Variants in SUGCT observed in about 807,000 individuals in gnomAD.
SUGCT encodes the protein succinyl-CoA:glutarate-CoA transferase, also known as succinyl-CoA:glutarate CoA-transferase.
SUGCT carries 41 observed loss-of-function variants against 55.0 expected under a neutral mutation model. That is an observed-to-expected ratio of 0.74 (90% CI 0.58 to 0.97). The LOEUF is 0.97. Ranked by LOEUF, SUGCT falls within the 50% of genes least tolerant of loss-of-function variation. The pLI, the probability that SUGCT is intolerant of heterozygous loss-of-function variation, is 0.00. For synonymous variants in SUGCT, 187 were observed against 200.4 expected (o/e 0.93, Z 0.56); for missense variants, 568 against 547.8 (o/e 1.04, Z -0.37).
intron 12 of SUGCT, among the ~76,000 whole-genome samples, chr7:40,675,629 T>C (rs1254972047): frequency 6.6e-6 from 1 of 151,526 alleles, no homozygotes; most frequent in Admixed American, 6.6e-5. Context: ...ATGAAGGAGG[T>C]ATGGGAGTTG....
intron 9 of SUGCT, among the ~76,000 whole-genome samples, chr7:40,378,979 G>A (rs938581652): frequency 1.3e-5 from 2 of 152,170 alleles, no homozygotes; most frequent in African/African-American, 4.8e-5. Context: ...AGGATCTTGA[G>A]GGGTGGAAGT....
At chr7:40,181,165 G>A (rs1245014005) in intron 2 of SUGCT, among the ~76,000 whole-genome samples, 167 bp downstream of exon 2, 1 of 152,046 alleles carries the variant, frequency 6.6e-6, no homozygotes, top group Admixed American at 6.6e-5. Flanking sequence ...GAGACAATTA[G>A]TGTAGTATTT....
chr7:40,165,994 C>T (rs907285198), intron 1 of SUGCT, among the ~76,000 whole-genome samples: 2 of 152,138 alleles, frequency 1.3e-5, no homozygotes, highest in Non-Finnish European at 2.9e-5. Flanking sequence ...TGGTGGCACA[C>T]GCCTGTAATC....
rs1366641064 is a variant in SUGCT at position 40,274,415 on chromosome 7, C to T, written c.577-98C>T. 6 of 1,297,452 alleles carry T rather than the reference C, an allele frequency of 4.6e-6. No homozygotes were observed. The African/African-American group carries it at 8.9e-5, about 19-fold the overall frequency. The allele number at this position is 1,297,452 out of a possible 1,614,324, so 80.4% of individuals were successfully genotyped here. A position where few individuals can be genotyped will look rare whatever the true frequency, so the allele number is the denominator to read the frequency against. ...TGTATGTGTCTGCACAGTTAATAGACAATTCTTTTTTCTATTTCACATTAG... is the reference window on the plus strand; with the variant it reads ...TGTATGTGTCTGCACAGTTAATAGATAATTCTTTTTTCTATTTCACATTAG... On this transcript the variant is annotated intron_variant, in intron 7 of 13. Transcript: ENST00000335693.
rs1050970111 is a variant in SUGCT at position 40,576,643 on chromosome 7, G to A, written c.1089+80257G>A. ...AACCCGACCAGAGGCAAGAGTTGCC[G>A]GGATTGTCTTTGATTTGTATAGGCA... On this transcript the variant is annotated intron_variant, in intron 12 of 13. Coordinates refer to ENST00000335693, the MANE Select transcript of SUGCT (RefSeq NM_001193313.2). 7.2e-5 allele frequency among the ~76,000 whole-genome samples: 11 copies of A among 152,306 alleles called. No individual in the cohort carries two copies. In the South Asian group the frequency reaches 1.2e-3, roughly 17 times the overall value.
At chr7:40,195,423 A>G (rs867916824) in intron 6 of SUGCT, among the ~76,000 whole-genome samples, 24 of 151,894 alleles carry the variant, frequency 1.6e-4, no homozygotes, top group Non-Finnish European at 2.5e-4. Flanking sequence ...GGGTTTCACC[A>G]TGTTGGCCAG....
chr7:40,452,837 C>T (rs1280576554), intron 10 of SUGCT, among the ~76,000 whole-genome samples: 2 of 152,094 alleles, frequency 1.3e-5, no homozygotes, highest in African/African-American at 2.4e-5. Flanking sequence ...CCACTTACCC[C>T]GAGCACGGTG....
At chr7:40,730,460 G>A (rs1183203097) in intron 12 of SUGCT, among the ~76,000 whole-genome samples, 1 of 152,144 alleles carries the variant, frequency 6.6e-6, no homozygotes, top group African/African-American at 2.4e-5. Flanking sequence ...CACATATGCT[G>A]TGATATTTTG....
the SUGCT span, among the ~76,000 whole-genome samples, chr7:40,950,963 G>T: frequency 6.9e-6 from 1 of 144,370 alleles, no homozygotes; most frequent in Non-Finnish European, 1.5e-5. Context: ...TCAGGATGAT[G>T]CTGGCCTCAT....
chr7:40,511,886 T>A (rs1433123664), intron 12 of SUGCT, among the ~76,000 whole-genome samples: 2 of 152,190 alleles, frequency 1.3e-5, no homozygotes, highest in Non-Finnish European at 2.9e-5. Context: ...ATTATTAATA[T>A]TTCTTCATCA....
At chr7:41,024,198 C>T in the SUGCT span, among the ~76,000 whole-genome samples, 1 of 152,058 alleles carries the variant, frequency 6.6e-6, no homozygotes, top group East Asian at 1.9e-4. Flanking sequence ...AAATTACGTT[C>T]CAAAGGATTA....
chr7:40,911,162 C>T, the SUGCT span, among the ~76,000 whole-genome samples: 1 of 152,110 alleles, frequency 6.6e-6, no homozygotes, highest in Admixed American at 6.5e-5. Context: ...GATACTGCTT[C>T]GGGGGTGGGA....
the SUGCT span, among the ~76,000 whole-genome samples, chr7:40,972,276 A>C: frequency 2.0e-5 from 3 of 152,228 alleles, no homozygotes; most frequent in African/African-American, 7.2e-5. Flanking sequence ...GAAGACAGTT[A>C]ATGTCCTTGT....
At chr7:40,461,328 T>C (rs1251932185) in intron 11 of SUGCT, among the ~76,000 whole-genome samples, 2 of 152,182 alleles carry the variant, frequency 1.3e-5, no homozygotes, top group Non-Finnish European at 2.9e-5. Context: ...ATAAGTTACA[T>C]GATTAGACGT....
chr7:41,007,823 C>CAAAAAAAAAAAA, the SUGCT span, among the ~76,000 whole-genome samples: 2 of 104,284 alleles, frequency 1.9e-5, no homozygotes, highest in Non-Finnish European at 3.7e-5. Context: ...AACTGAAATC[C>CAAAAAAAAAAAA]AAAAAAAAAA....
the SUGCT span, among the ~76,000 whole-genome samples, chr7:40,916,166 GTGGGTGGTTGCTA>G: frequency 6.6e-6 from 1 of 152,190 alleles, no homozygotes; most frequent in Middle Eastern, 3.4e-3. Flanking sequence ...ATTAACCGCA[GTGGGTGGTTGCTA>G]TTTGTTTCTC....
chr7:40,168,152 G>A (rs578014166), intron 1 of SUGCT, among the ~76,000 whole-genome samples: 2 of 152,324 alleles, frequency 1.3e-5, no homozygotes, highest in South Asian at 4.1e-4. Flanking sequence ...TTAAAGGTGG[G>A]TGTGGTCACC....
chr7:40,647,680 G>C (rs1006465971), intron 12 of SUGCT, among the ~76,000 whole-genome samples: 4 of 152,032 alleles, frequency 2.6e-5, no homozygotes, highest in Non-Finnish European at 5.9e-5. Flanking sequence ...GTGAAACCCT[G>C]TCTCTATTTA....
chr7:40,881,696 G>T, the SUGCT span, among the ~76,000 whole-genome samples: 1 of 152,214 alleles, frequency 6.6e-6, no homozygotes, highest in Non-Finnish European at 1.5e-5. Flanking sequence ...AGGCACAGTG[G>T]CATCCTTCAC....
Sources: allele counts gnomAD v4.1 joint callset (sites outside exome capture counted in the v4.1 genomes callset), GRCh38; gene constraint gnomAD v4.1.1; transcripts MANE v1.5; gene names NCBI Gene and HGNC (gene_info 2026-07-23, HGNC 2026-07-21).